Variants in LYRM4 observed in about 807,000 individuals in gnomAD.
The protein encoded by LYRM4 is LYR motif-containing protein 4.
Under a neutral mutation model 11.7 loss-of-function variants are expected in LYRM4, and 9 were observed. The observed-to-expected ratio is 0.77, with a 90% CI of 0.46 to 1.34. The LOEUF is 1.34. Among genes scored for constraint, LYRM4 ranks in the 40% most tolerant of loss-of-function variants. The pLI is 0.00. For synonymous variants in LYRM4, 42 were observed against 40.4 expected (o/e 1.04, Z -0.15); for missense variants, 133 against 112.5 (o/e 1.18, Z -0.82).
At chr6:5,152,438 G>A (rs1221511110) in intron 2 of LYRM4, among the ~76,000 whole-genome samples, 4 of 152,130 alleles carry the variant, frequency 2.6e-5, no homozygotes, top group East Asian at 1.9e-4. Context: ...AATAGGGGGC[G>A]AGAGCTGGCT....
intron 2 of LYRM4, among the ~76,000 whole-genome samples, chr6:5,142,365 A>G (rs1367471032): frequency 6.6e-6 from 1 of 152,168 alleles, no homozygotes; most frequent in Non-Finnish European, 1.5e-5. Context: ...AACTAGCATC[A>G]ACCTCCAGAC....
chr6:5,080,369 G>A, the LYRM4 span, among the ~76,000 whole-genome samples: 2 of 152,230 alleles, frequency 1.3e-5, no homozygotes, highest in African/African-American at 2.4e-5. Context: ...GATCTAATGT[G>A]TTTCATGACC....
chr6:5,090,043 A>AC, the LYRM4 span, among the ~76,000 whole-genome samples: 1 of 143,902 alleles, frequency 6.9e-6, no homozygotes, highest in South Asian at 2.2e-4. The surrounding 1 kb of genome is among the most constrained non-coding windows in gnomAD (Gnocchi z 4.8). Flanking sequence ...CACACACACC[A>AC]CACACACACC....
intron 2 of LYRM4, among the ~76,000 whole-genome samples, chr6:5,162,953 A>G (rs1178761789): frequency 6.6e-6 from 1 of 152,276 alleles, no homozygotes; most frequent in East Asian, 1.9e-4. Context: ...GTTGGTTTTC[A>G]GCCTTAAAAA....
rs1177433600 is a variant in LYRM4, at chr6:5,245,108, AAAAAAATATATATATATATAT to A, written c.86+15519_86+15539del. ...AGACCTTAAAAAAAAAAAAAAAAAA[AAAAAAATATATATATATATAT>A]ATATATATATATATATATATATATA... is the stretch of plus-strand genomic sequence containing the variant. On this transcript the variant is annotated intron_variant, in intron 1 of 2. Transcript: ENST00000330636. Among the ~76,000 whole-genome samples the A allele has an allele frequency of 2.0e-3, 92 of 45,402 alleles. 2 individuals carry two copies. The highest frequency in any genetic ancestry group is 8.7e-3 in the African/African-American group (89 of 10,282). The allele number at this position is 45,402 out of a possible 152,430, so 29.8% of individuals were successfully genotyped here. A position where few individuals can be genotyped will look rare whatever the true frequency, so the allele number is the denominator to read the frequency against.
chr6:5,149,324 C>T (rs370351617), intron 2 of LYRM4, among the ~76,000 whole-genome samples: 3 of 152,160 alleles, frequency 2.0e-5, no homozygotes, highest in Non-Finnish European at 2.9e-5. Context: ...AACCCAGGAT[C>T]GGTATTTTAT....
intron 2 of LYRM4, chr6:5,113,195 G>A (rs1324185326): frequency 3.0e-6 from 1 of 334,408 alleles, no homozygotes; most frequent in African/African-American, 2.2e-5. Context: ...AGCACTTCGG[G>A]AGGTCGAGAC....
At chr6:5,139,843 C>CT (rs200168631) in intron 2 of LYRM4, among the ~76,000 whole-genome samples, 67,305 of 142,164 alleles carry the variant, frequency 0.47, 17,070 homozygotes, top group East Asian at 0.78. Context: ...GCACTTTTTT[C>CT]TTTTTTTTTT....
chr6:5,148,518 G>GGGGCGCAGAGTCAGAACTCTGAATC (rs1321881105), intron 2 of LYRM4, among the ~76,000 whole-genome samples: 32 of 54,386 alleles, frequency 5.9e-4, no homozygotes, highest in South Asian at 2.0e-3. Context: ...AGCTGGGCTG[G>GGGGCGCAGAGTCAGAACTCTGAATC]GTATACGCCT....
At chr6:5,141,932 C>T (rs1425256873) in intron 2 of LYRM4, among the ~76,000 whole-genome samples, 1 of 152,162 alleles carries the variant, frequency 6.6e-6, no homozygotes, top group Non-Finnish European at 1.5e-5. Flanking sequence ...AGAAGCAGAG[C>T]TGACCCACAA....
At chr6:5,141,351 G>C (rs1757398777) in intron 2 of LYRM4, among the ~76,000 whole-genome samples, 1 of 152,128 alleles carries the variant, frequency 6.6e-6, no homozygotes, top group Non-Finnish European at 1.5e-5. Context: ...CTGCGCATCA[G>C]TTTTCTCTCT....
intron 1 of LYRM4, among the ~76,000 whole-genome samples, chr6:5,255,310 T>C (rs1413890979): frequency 1.3e-5 from 2 of 152,190 alleles, no homozygotes; most frequent in Admixed American, 1.3e-4. Context: ...ATATGTGATA[T>C]AGCAACAAAT....
chr6:5,084,641 C>A, the LYRM4 span: 1 of 152,270 alleles, frequency 6.6e-6, no homozygotes, highest in Admixed American at 6.5e-5. Context: ...CCACACGGTC[C>A]CCGCCCCAGT....
chr6:5,218,466 T>A, intron 1 of LYRM4: 1 of 782,488 alleles, frequency 1.3e-6, no homozygotes, highest in Non-Finnish European at 1.6e-6. Context: ...CATTTTACAT[T>A]AAAAAATTCA....
intron 2 of LYRM4, among the ~76,000 whole-genome samples, chr6:5,121,553 G>A (rs997791930): frequency 1.3e-5 from 2 of 152,124 alleles, no homozygotes; most frequent in Admixed American, 1.3e-4. Context: ...GAGGATCCCC[G>A]AGACAAAAGC....
chr6:5,260,397 T>C (rs1038846276), intron 1 of LYRM4, among the ~76,000 whole-genome samples: 2 of 152,340 alleles, frequency 1.3e-5, no homozygotes, highest in Middle Eastern at 6.8e-3. Flanking sequence ...ACTACCAAGA[T>C]AGCCTTTAGG....
chr6:5,140,757 G>A (rs1757361633), intron 2 of LYRM4, among the ~76,000 whole-genome samples: 1 of 152,132 alleles, frequency 6.6e-6, no homozygotes, highest in African/African-American at 2.4e-5. Flanking sequence ...TGGTTAAGAA[G>A]GTAAACTTTA....
intron 2 of LYRM4, chr6:5,144,368 T>C: frequency 7.6e-7 from 1 of 1,311,690 alleles, no homozygotes; most frequent in Non-Finnish European, 1.0e-6. Context: ...CCGGGTGCGG[T>C]GGCTGAAGCC....
At chr6:5,090,043 A>ACACACACAC in the LYRM4 span, among the ~76,000 whole-genome samples, 1 of 143,902 alleles carries the variant, frequency 6.9e-6, no homozygotes, top group Non-Finnish European at 1.6e-5. This position sits in a 1 kb window ranked among gnomAD's most constrained non-coding sequence, Gnocchi z 4.8. Flanking sequence ...CACACACACC[A>ACACACACAC]CACACACACC....
Sources: gnomAD v4.1 joint callset for allele counts (sites outside exome capture counted in the v4.1 genomes callset) on GRCh38, gnomAD v4.1.1 for gene constraint, Gnocchi (gnomAD v3.1) non-coding constraint, MANE v1.5 for transcripts, NCBI Gene and HGNC (gene_info 2026-07-23, HGNC 2026-07-21) for gene names.